CSRNP3: variants seen among roughly 807,000 people sequenced by gnomAD.
CSRNP3 encodes the protein cysteine/serine-rich nuclear protein 3.
A neutral mutation model predicts 48.0 loss-of-function variants in CSRNP3; 12 were observed. The ratio of observed to expected loss-of-function variants is 0.25; its 90% CI spans 0.16 to 0.41. The LOEUF (loss-of-function observed/expected upper bound fraction) is 0.41. CSRNP3 is among the 10% of genes least tolerant of loss of function. CSRNP3 has a pLI of 1.00. For synonymous variants in CSRNP3, 263 were observed against 269.7 expected, an observed-to-expected ratio of 0.98 and a Z score of 0.24; for missense variants, 580 against 724.4, an observed-to-expected ratio of 0.80 and a Z score of 2.29.
chr2:165,558,424 A>G (rs995803681), intron 3 of CSRNP3, among the ~76,000 whole-genome samples: 4 of 152,222 alleles, frequency 2.6e-5, no homozygotes, highest in Admixed American at 1.3e-4. Context: ...CGTGGCATGT[A>G]TATTTTCAAA....
At chr2:165,653,912 C>T (rs1260115597) in intron 4 of CSRNP3, among the ~76,000 whole-genome samples, 1 of 126,600 alleles carries the variant, frequency 7.9e-6, no homozygotes, top group Non-Finnish European at 1.6e-5. Flanking sequence ...GCAGAGGTTG[C>T]AGTGAACCGA....
chr2:165,627,213 C>A (rs1190838944), intron 4 of CSRNP3, among the ~76,000 whole-genome samples: 1 of 152,182 alleles, frequency 6.6e-6, no homozygotes, highest in Non-Finnish European at 1.5e-5. Context: ...CTCCCTCTGG[C>A]CTGAGAATAC....
At chr2:165,592,561 T>A (rs191631001) in intron 3 of CSRNP3, among the ~76,000 whole-genome samples, 33 of 152,202 alleles carry the variant, frequency 2.2e-4, no homozygotes, top group Non-Finnish European at 2.5e-4. Context: ...CCACATGACA[T>A]GGGAGGGATG....
chr2:165,551,622 G>A (rs1304470216), intron 3 of CSRNP3, among the ~76,000 whole-genome samples: 1 of 152,106 alleles, frequency 6.6e-6, no homozygotes. Flanking sequence ...TAGAAAGCTG[G>A]GAGAACAAAG....
At chr2:165,501,942 AT>A (rs1462810845) in intron 2 of CSRNP3, among the ~76,000 whole-genome samples, 1 of 152,114 alleles carries the variant, frequency 6.6e-6, no homozygotes. Flanking sequence ...TAACCTTTAA[AT>A]TTATTACTAA....
In CSRNP3 at chr2:165,678,795, A is replaced by C; in HGVS notation, c.800A>C (p.His267Pro). ...TTTAATCCTATCCGTGTTCGGACTC[A>C]CTTTTTGCACACAATAATGAAACTT... is the stretch of plus-strand genomic sequence containing the variant. Reference protein sequence around the residue: ...IEFNPIRVRTHFLHTIMKLEL... With the variant: ...IEFNPIRVRTPFLHTIMKLEL... The change falls in exon 7 of 7, where the codon CAC (histidine) becomes CCC (proline). Residue 267 changes from histidine (H) to proline (P), a missense_variant. Physicochemically the swap from His to Pro is moderately conservative, Grantham distance 77. This residue lies in a region of CSRNP3 where 66 missense variants were observed against 137.6 expected (regional missense o/e 0.48). Coordinates refer to ENST00000651982, the MANE Select transcript of CSRNP3 (RefSeq NM_001172173.2). 1 of 1,614,098 alleles carries C rather than the reference A, an allele frequency of 6.2e-7. No individual in the cohort carries two copies. Among genetic ancestry groups the C allele is most frequent in the Non-Finnish European group, 8.5e-7 (1 of 1,179,984 alleles).
chr2:165,573,156 T>C (rs920496856), intron 3 of CSRNP3, among the ~76,000 whole-genome samples: 1 of 152,110 alleles, frequency 6.6e-6, no homozygotes, highest in African/African-American at 2.4e-5. Context: ...TATCTGTATT[T>C]ATTTGTTGTG....
intron 2 of CSRNP3, among the ~76,000 whole-genome samples, chr2:165,516,795 T>C (rs1442239139): frequency 3.9e-5 from 6 of 152,102 alleles, no homozygotes; most frequent in Non-Finnish European, 8.8e-5. Flanking sequence ...TTATTCCAAT[T>C]CTTTATCTCA....
intron 4 of CSRNP3, among the ~76,000 whole-genome samples, chr2:165,650,324 C>T (rs1311036817): frequency 6.6e-6 from 1 of 152,156 alleles, no homozygotes; most frequent in African/African-American, 2.4e-5. Flanking sequence ...GGAATTACTC[C>T]TATAGTTCTT....
chr2:165,554,054 C>G (rs377113784), intron 3 of CSRNP3, among the ~76,000 whole-genome samples: 2 of 152,258 alleles, frequency 1.3e-5, no homozygotes, highest in East Asian at 3.9e-4. Context: ...GTTTCTAAGT[C>G]TAATTGTAAA....
intron 2 of CSRNP3, among the ~76,000 whole-genome samples, chr2:165,514,686 AAT>A (rs1277424948): frequency 2.6e-5 from 4 of 152,184 alleles, no homozygotes; most frequent in Non-Finnish European, 4.4e-5. Flanking sequence ...CTTTGCATTG[AAT>A]ATGTCATTCT....
intron 1 of CSRNP3, among the ~76,000 whole-genome samples, chr2:165,475,132 G>A (rs1683944043): frequency 6.6e-6 from 1 of 152,100 alleles, no homozygotes; most frequent in South Asian, 2.1e-4. Context: ...AATACTGGTT[G>A]TGATGGTGTC....
At position 165,599,379 on chromosome 2, in the gene CSRNP3, G is replaced by T. The variant is rs568134344; in HGVS notation, c.148+4166G>T. On this transcript the variant is annotated intron_variant, in intron 4 of 6. Coordinates refer to ENST00000651982, the MANE Select transcript of CSRNP3 (RefSeq NM_001172173.2). ...GGAAGTAAAGATCTGAGGTTTTTTT[G>T]TTTGTTTGTTTTGAGACAGTGTCTC... Among the ~76,000 whole-genome samples the T allele has an allele frequency of 2.2e-3, 338 of 151,258 alleles. 2 individuals are homozygous for T. Among genetic ancestry groups the T allele is most frequent in the African/African-American group, 7.9e-3 (327 of 41,194 alleles).
chr2:165,469,792 A>G (rs1369796467), intron 1 of CSRNP3, 52 bp downstream of exon 1: 1 of 152,286 alleles, frequency 6.6e-6, no homozygotes. Flanking sequence ...TTTCTTTAAA[A>G]GAGAATGCTT....
chr2:165,621,062 T>C (rs2105318157), intron 4 of CSRNP3, among the ~76,000 whole-genome samples: 1 of 152,268 alleles, frequency 6.6e-6, no homozygotes, highest in East Asian at 1.9e-4. Context: ...TCTTATTTAA[T>C]TTCTTTCCTG....
intron 4 of CSRNP3, among the ~76,000 whole-genome samples, chr2:165,608,976 G>A (rs773225673): frequency 3.2e-4 from 48 of 149,484 alleles, no homozygotes; most frequent in Admixed American, 4.0e-4. Flanking sequence ...GCATGGTGGC[G>A]GGCGCCTGTA....
Position 165,471,820 on chromosome 2 carries a change from T to G in CSRNP3, c.-283+2080T>G, listed in dbSNP as rs559205786. On this transcript the variant is annotated intron_variant, in intron 1 of 6. Coordinates refer to ENST00000651982, the MANE Select transcript of CSRNP3 (RefSeq NM_001172173.2). The stretch of plus-strand genomic sequence containing the variant: ...TTACTGCAGAGTCCACAGGAAGAGA[T>G]AGAGAGAGAGAGAGAATGTGTGCTG... 8.8e-5 allele frequency among the ~76,000 whole-genome samples: 13 copies of G among 148,242 alleles called. No homozygotes were observed. The East Asian group carries it at 2.4e-3, about 27-fold the overall frequency.
chr2:165,541,778 C>T (rs1018695693), intron 3 of CSRNP3, among the ~76,000 whole-genome samples: 1 of 152,108 alleles, frequency 6.6e-6, no homozygotes, highest in African/African-American at 2.4e-5. Context: ...TCCTGTCATA[C>T]ACTTAATGAA....
At chr2:165,675,355 T>G (rs1258261868) in intron 5 of CSRNP3, among the ~76,000 whole-genome samples, 1 of 152,208 alleles carries the variant, frequency 6.6e-6, no homozygotes, top group East Asian at 1.9e-4. Context: ...TCCATGATTT[T>G]TCTCATGGAG....
Sources: gnomAD v4.1 joint callset for allele counts (sites outside exome capture counted in the v4.1 genomes callset) on GRCh38, gnomAD v4.1.1 for gene constraint, gnomAD v4.1.1 regional missense constraint, MANE v1.5 for transcripts, NCBI Gene and HGNC (gene_info 2026-07-23, HGNC 2026-07-21) for gene names.